C9orf72: variants seen among roughly 807,000 people sequenced by gnomAD.
The protein encoded by C9orf72 is C9orf72-SMCR8 complex subunit, also known as guanine nucleotide exchange factor C9orf72.
In C9orf72, 44 loss-of-function variants were observed where a neutral mutation model predicts 51.6. The ratio of observed to expected loss-of-function variants is 0.85; its 90% CI spans 0.67 to 1.10. The LOEUF is 1.10. C9orf72 is among the 50% of genes least tolerant of loss of function. The probability of loss-of-function intolerance (pLI) is 0.00; values close to 1 mark genes in which losing one functional copy is unlikely to be tolerated. For missense variants in C9orf72, 607 were observed against 570.6 expected (o/e 1.06, Z -0.65); for synonymous variants, 213 against 194.2 (o/e 1.10, Z -0.81).
intron 6 of C9orf72, chr9:27,559,817 G>C (rs1357388102): frequency 1.3e-5 from 2 of 153,370 alleles, no homozygotes; most frequent in East Asian, 3.8e-4. Context: ...CCCTAGAAGG[G>C]ACAGATTTAG....
chr9:27,561,494 G>A (rs540323320), intron 5 of C9orf72, 91 bp downstream of exon 5: 43 of 1,558,424 alleles, frequency 2.8e-5, no homozygotes, highest in Non-Finnish European at 3.6e-5. Flanking sequence ...TAAGTAGACA[G>A]TCTGTTATTT....
At chr9:27,561,154 G>A (rs1217340212) in intron 5 of C9orf72, 2 of 649,172 alleles carry the variant, frequency 3.1e-6, no homozygotes, top group East Asian at 1.4e-4. Flanking sequence ...TTAATCCAGG[G>A]AGTCTGGTTT....
At chr9:27,557,647 T>A (rs954308874) in intron 7 of C9orf72, among the ~76,000 whole-genome samples, 1 of 152,110 alleles carries the variant, frequency 6.6e-6, no homozygotes, top group African/African-American at 2.4e-5. Flanking sequence ...CACTTTATTA[T>A]GCCTTTAACA....
chr9:27,559,612 T>TAC (rs1321830145), intron 6 of C9orf72: 3 of 152,160 alleles, frequency 2.0e-5, no homozygotes, highest in Non-Finnish European at 4.4e-5. Flanking sequence ...AATTGAAAGA[T>TAC]ACACATACTT....
intron 1 of C9orf72, among the ~76,000 whole-genome samples, chr9:27,571,928 T>G (rs1354579830): frequency 2.6e-5 from 4 of 152,238 alleles, no homozygotes; most frequent in Non-Finnish European, 5.9e-5. Flanking sequence ...CAGGGAAGAC[T>G]GGAAGGTGAA....
Position 27,556,551 on chromosome 9 carries a change from C to T in C9orf72, c.1091+10G>A. On this transcript the variant is annotated intron_variant, in intron 8 of 10. Transcript: ENST00000380003. ...TTGACTACAGTACCAGCAGGCAGAG[C>T]ATTACGTACAAATCAGGAGTAAAGC... 6.4e-7 allele frequency: 1 copy of T among 1,557,832 alleles called. No individual in the cohort carries two copies.
intron 4 of C9orf72, 68 bp from the exon 5 acceptor site, chr9:27,561,717 A>T (rs948297620): frequency 1.1e-5 from 11 of 1,015,834 alleles, no homozygotes; most frequent in Non-Finnish European, 1.6e-5. Flanking sequence ...CACTTTTAAT[A>T]TACAAGTTTT....
chr9:27,566,559 A>G, intron 2 of C9orf72, 118 bp downstream of exon 2: 1 of 698,732 alleles, frequency 1.4e-6, no homozygotes, highest in South Asian at 2.1e-5. Context: ...TGCAAAATAA[A>G]TAACATTTAT....
chr9:27,556,680 A>G lies in C9orf72; in HGVS notation c.972T>C (p.His324=). The G allele has an allele frequency of 1.2e-6, 2 of 1,613,954 alleles. No homozygotes were observed. Among genetic ancestry groups the G allele is most frequent in the South Asian group, 1.1e-5 (1 of 91,082 alleles). Residue 324 remains histidine, a synonymous_variant, in exon 8 of 11, where the codon CAT becomes CAC. Transcript: ENST00000380003. ...TVKQMPPCHE[H]IYNQRRYMRS... ...TCATGTATCTACGCTGATTATAAAT[A>G]TGTTCATGACAGGGTGGCATCTGCT...
intron 1 of C9orf72, among the ~76,000 whole-genome samples, chr9:27,567,769 T>C (rs1819501752): frequency 6.6e-6 from 1 of 152,058 alleles, no homozygotes; most frequent in Non-Finnish European, 1.5e-5. Context: ...GGAGAGAGAT[T>C]TGGAGACACA....
chr9:27,549,172 T>TA (rs1389691196), intron 9 of C9orf72, among the ~76,000 whole-genome samples: 2 of 152,248 alleles, frequency 1.3e-5, no homozygotes, highest in Non-Finnish European at 2.9e-5. Context: ...TTTTCTAATT[T>TA]ATCTTTAAAA....
chr9:27,560,339 A>G (rs964660890), intron 5 of C9orf72, 40 bp from the exon 6 acceptor site: 1 of 1,502,066 alleles, frequency 6.7e-7, no homozygotes, highest in Non-Finnish European at 9.1e-7. Flanking sequence ...ATTGCCTATA[A>G]AACAATTTAA....
At chr9:27,557,097 C>T (rs1051589051) in intron 7 of C9orf72, among the ~76,000 whole-genome samples, 2 of 151,964 alleles carry the variant, frequency 1.3e-5, no homozygotes, top group African/African-American at 4.8e-5. Flanking sequence ...TTCAAAGAGG[C>T]TTAGAATCTG....
chr9:27,567,706 G>A (rs1819500755), intron 1 of C9orf72, among the ~76,000 whole-genome samples: 1 of 152,160 alleles, frequency 6.6e-6, no homozygotes, highest in Non-Finnish European at 1.5e-5. Flanking sequence ...ATGTTAAAAT[G>A]GGGTCATACT....
At chr9:27,548,508 A>C (rs1466667629) in intron 10 of C9orf72, 49 bp downstream of exon 10, 4 of 1,473,068 alleles carry the variant, frequency 2.7e-6, no homozygotes, top group Non-Finnish European at 3.7e-6. Context: ...GAAACAAAAC[A>C]AAAAAACAAT....
At chr9:27,573,616 T>C (rs1276878317), upstream of C9orf72, 1 of 150,818 alleles carries the variant, frequency 6.6e-6, no homozygotes, top group East Asian at 2.0e-4. Context: ...TTTCTTCTGG[T>C]TAATCTTTAT....
At chr9:27,571,533 GT>G (rs1437626421) in intron 1 of C9orf72, among the ~76,000 whole-genome samples, 3 of 152,026 alleles carry the variant, frequency 2.0e-5, no homozygotes, top group Admixed American at 2.0e-4. Flanking sequence ...ATAGCTCTCG[GT>G]AACTTCAAAC....
chr9:27,572,451 T>C (rs1240454758), intron 1 of C9orf72, among the ~76,000 whole-genome samples: 2 of 148,424 alleles, frequency 1.3e-5, no homozygotes, highest in Admixed American at 1.3e-4. Flanking sequence ...AAAAATCATA[T>C]CTTAACAGTA....
chr9:27,557,295 T>C (rs1317348550), intron 7 of C9orf72, among the ~76,000 whole-genome samples: 1 of 152,190 alleles, frequency 6.6e-6, no homozygotes, highest in Non-Finnish European at 1.5e-5. Flanking sequence ...TCAATGAGTA[T>C]GTATTTTTAT....
Sources: gnomAD v4.1 joint callset for allele counts (sites outside exome capture counted in the v4.1 genomes callset) on GRCh38, gnomAD v4.1.1 for gene constraint, MANE v1.5 for transcripts, NCBI Gene and HGNC (gene_info 2026-07-23, HGNC 2026-07-21) for gene names.